Variants in SNX30 observed in about 807,000 individuals in gnomAD.
SNX30 encodes the protein sorting nexin family member 30.
In SNX30, 24 loss-of-function variants were observed where a neutral mutation model predicts 46.4. The observed-to-expected ratio is 0.52, with a 90% confidence interval of 0.37 to 0.73. The LOEUF is 0.73. Ranked by LOEUF, SNX30 falls within the 30% of genes least tolerant of loss-of-function variation. The pLI, the probability that SNX30 is intolerant of heterozygous loss-of-function variation, is 0.00. For synonymous variants in SNX30, 189 were observed against 211.5 expected (o/e 0.89, Z 0.92); for missense variants, 533 against 555.7 (o/e 0.96, Z 0.41).
chr9:112,810,093 G>T (rs2131410210), intron 2 of SNX30, among the ~76,000 whole-genome samples: 1 of 152,130 alleles, frequency 6.6e-6, no homozygotes, highest in Admixed American at 6.5e-5. Context: ...AAGTTAAGGG[G>T]TTCTTTGCTT....
intron 1 of SNX30, among the ~76,000 whole-genome samples, chr9:112,796,926 C>T (rs1038652180): frequency 2.0e-5 from 3 of 152,140 alleles, no homozygotes; most frequent in African/African-American, 7.2e-5. Context: ...TCATAACTCA[C>T]CTGCAAAACT....
intron 1 of SNX30, among the ~76,000 whole-genome samples, chr9:112,764,301 G>T (rs1407847731): frequency 6.6e-6 from 1 of 152,196 alleles, no homozygotes; most frequent in Non-Finnish European, 1.5e-5. Flanking sequence ...TAGGGTCCTG[G>T]CTGTGGTCTG....
At chr9:112,846,550 C>T (rs1364257593) in intron 6 of SNX30, among the ~76,000 whole-genome samples, 1 of 152,220 alleles carries the variant, frequency 6.6e-6, no homozygotes, top group Non-Finnish European at 1.5e-5. Context: ...CAGGAAAGTG[C>T]CCTTCTAGAG....
At chr9:112,754,985 C>G (rs1839326362) in intron 1 of SNX30, among the ~76,000 whole-genome samples, 1 of 152,186 alleles carries the variant, frequency 6.6e-6, no homozygotes, top group Admixed American at 6.5e-5. Flanking sequence ...TTTCCTCCAT[C>G]ACCTTTTACA....
intron 6 of SNX30, among the ~76,000 whole-genome samples, chr9:112,849,018 G>A (rs1184872441): frequency 6.6e-6 from 1 of 152,192 alleles, no homozygotes; most frequent in Non-Finnish European, 1.5e-5. Flanking sequence ...GTGTCACTGG[G>A]TCAACTCAGA....
chr9:112,757,902 C>T (rs935597984), intron 1 of SNX30, among the ~76,000 whole-genome samples: 1 of 152,156 alleles, frequency 6.6e-6, no homozygotes, highest in Non-Finnish European at 1.5e-5. Context: ...GGGTTGCTGC[C>T]AATGTAAGTT....
chr9:112,785,563 T>C (rs912267072), intron 1 of SNX30, among the ~76,000 whole-genome samples: 1 of 152,150 alleles, frequency 6.6e-6, no homozygotes, highest in African/African-American at 2.4e-5. Flanking sequence ...TTTGTATTTT[T>C]TGTAGAGATG....
chr9:112,821,518 G>A (rs10981515), intron 3 of SNX30, among the ~76,000 whole-genome samples: 114,780 of 151,634 alleles, frequency 0.76, 44,055 homozygotes, highest in South Asian at 0.86. Flanking sequence ...GCGGAGTCTC[G>A]CCCTGTCACC....
chr9:112,866,757 CTG>C (rs1841350871), intron 8 of SNX30, among the ~76,000 whole-genome samples: 1 of 151,012 alleles, frequency 6.6e-6, no homozygotes, highest in African/African-American at 2.4e-5. Context: ...AGAACTCCTC[CTG>C]CCTCCTCAGA....
intron 1 of SNX30, among the ~76,000 whole-genome samples, chr9:112,751,701 C>T (rs1213850247): frequency 6.6e-6 from 1 of 152,100 alleles, no homozygotes; most frequent in East Asian, 1.9e-4. Flanking sequence ...AGACCCCAGC[C>T]GGCGGCGGGA....
intron 6 of SNX30, among the ~76,000 whole-genome samples, chr9:112,843,315 G>T (rs1306055065): frequency 6.6e-6 from 1 of 152,106 alleles, no homozygotes; most frequent in Admixed American, 6.6e-5. Context: ...ATGTCAATAC[G>T]CATGCTTATC....
chr9:112,780,149 G>C (rs1339294497), intron 1 of SNX30, among the ~76,000 whole-genome samples: 2 of 152,190 alleles, frequency 1.3e-5, no homozygotes, highest in Non-Finnish European at 2.9e-5. Flanking sequence ...CACTGCTGGG[G>C]TGCGTGTTTT....
intron 2 of SNX30, among the ~76,000 whole-genome samples, chr9:112,809,715 G>A (rs1205462510): frequency 2.0e-5 from 3 of 152,136 alleles, no homozygotes; most frequent in Admixed American, 2.0e-4. Flanking sequence ...TGCTGGTTGT[G>A]GTGTGAGCAG....
At chr9:112,757,651 A>G (rs1588104787) in intron 1 of SNX30, among the ~76,000 whole-genome samples, 1 of 152,290 alleles carries the variant, frequency 6.6e-6, no homozygotes, top group African/African-American at 2.4e-5. Flanking sequence ...CCCCGCGTAT[A>G]TCATTTTGTC....
At chr9:112,879,957 G>A (rs919239858), downstream of SNX30, 13 of 695,330 alleles carry the variant, frequency 1.9e-5, no homozygotes, top group African/African-American at 1.8e-4. Context: ...AGGTGTGCTG[G>A]TGCACTGTGA....
intron 1 of SNX30, among the ~76,000 whole-genome samples, chr9:112,781,158 G>A (rs1376640918): frequency 6.6e-6 from 1 of 152,160 alleles, no homozygotes; most frequent in Non-Finnish European, 1.5e-5. Context: ...GCAATCAGAG[G>A]TAATCTTTTT....
chr9:112,853,317 TGTCACAAGGGAGGC>T (rs1841064206), intron 7 of SNX30, among the ~76,000 whole-genome samples: 1 of 152,194 alleles, frequency 6.6e-6, no homozygotes, highest in Non-Finnish European at 1.5e-5. Context: ...CCTGTGTGTC[TGTCACAAGGGAGGC>T]GACAACAGAA....
At chr9:112,766,440 G>C (rs1824537217) in intron 1 of SNX30, among the ~76,000 whole-genome samples, 1 of 152,014 alleles carries the variant, frequency 6.6e-6, no homozygotes, top group Admixed American at 6.6e-5. Context: ...GGTAATTTTA[G>C]ATATGAATGT....
Position 112,763,846 on chromosome 9 carries a change from T to TA in SNX30, c.156+12708dup, listed in dbSNP as rs60051703. 3.3e-3 allele frequency among the ~76,000 whole-genome samples: 403 copies of TA among 123,548 alleles called. 2 individuals are homozygous for TA. Among genetic ancestry groups the TA allele is most frequent in the South Asian group, 0.014 (53 of 3,802 alleles). The allele number at this position is 123,548 out of a possible 152,430, so 81.1% of individuals were successfully genotyped here. A position where few individuals can be genotyped will look rare whatever the true frequency, so the allele number is the denominator to read the frequency against. On this transcript the variant is annotated intron_variant, in intron 1 of 8. Transcript: ENST00000374232. ...CCTGGTGACAGAGTGAGACTCTGAC[T>TA]AAAAAAAAAAAAAAAAAAATTATTT...
Sources: gnomAD v4.1 joint callset for allele counts (sites outside exome capture counted in the v4.1 genomes callset) on GRCh38, gnomAD v4.1.1 for gene constraint, MANE v1.5 for transcripts, NCBI Gene and HGNC (gene_info 2026-07-23, HGNC 2026-07-21) for gene names.